The following MTMR12 variants were observed in gnomAD, a reference collection of about 807,000 sequenced individuals.
MTMR12 encodes the protein myotubularin-related protein 12.
Under a neutral mutation model 96.7 loss-of-function variants are expected in MTMR12, and 33 were observed. That is an observed-to-expected ratio of 0.34 (90% confidence interval 0.26 to 0.46). The LOEUF is 0.46. Ranked by LOEUF, MTMR12 falls within the 20% of genes least tolerant of loss-of-function variation. The probability of loss-of-function intolerance (pLI) is 1.00; values close to 1 mark genes in which losing one functional copy is unlikely to be tolerated. For synonymous variants in MTMR12, 298 were observed against 327.2 expected (o/e 0.91, Z 0.96); for missense variants, 721 against 896.1 (o/e 0.80, Z 2.49).
chr5:32,248,536 T>C (rs1281144514), intron 9 of MTMR12, among the ~76,000 whole-genome samples: 1 of 152,212 alleles, frequency 6.6e-6, no homozygotes, highest in Non-Finnish European at 1.5e-5. Flanking sequence ...AGACATCATG[T>C]CACCTCCCCA....
intron 1 of MTMR12, among the ~76,000 whole-genome samples, chr5:32,287,744 A>G (rs2112122782): frequency 6.6e-6 from 1 of 152,324 alleles, no homozygotes; most frequent in East Asian, 1.9e-4. Context: ...GAGAACACTG[A>G]TAGTCCTTGG....
At chr5:32,303,390 C>T (rs191181289) in intron 1 of MTMR12, among the ~76,000 whole-genome samples, 103 of 152,268 alleles carry the variant, frequency 6.8e-4, no homozygotes, top group Admixed American at 1.2e-3. Flanking sequence ...TGAGGCCTTT[C>T]CATCTCTCCC....
At chr5:32,254,747 G>A (rs968692054) in intron 8 of MTMR12, among the ~76,000 whole-genome samples, 3 of 152,140 alleles carry the variant, frequency 2.0e-5, no homozygotes, top group African/African-American at 7.2e-5. Flanking sequence ...GGGAGGCTGA[G>A]GCAGGAGAAT....
At position 32,248,805 on chromosome 5, in the gene MTMR12, C is replaced by T; in HGVS notation, c.863G>A (p.Gly288Asp). The T allele has an allele frequency of 6.2e-7, 1 of 1,614,102 alleles. No homozygotes were observed. ...GAAGCTCTTTTGGATTTGTAAAATG[C>T]CGTCATCCTGTTCTTTGGGCAGTGC... The part of the protein sequence containing the change: ...MSALPKEQDD[G>D]ILQIQKSFLD... The change falls in exon 9 of 16, where the codon GGC (glycine) becomes GAC (aspartate). Residue 288 changes from glycine to aspartate, a missense_variant. By Grantham distance (94) the Gly-to-Asp change is moderately conservative. Transcript: ENST00000382142.
intron 1 of MTMR12, among the ~76,000 whole-genome samples, chr5:32,296,187 T>C (rs1266864490): frequency 6.6e-6 from 1 of 151,324 alleles, no homozygotes; most frequent in East Asian, 1.9e-4. Context: ...TTTATTAAGA[T>C]ATAATTGAGG....
chr5:32,251,581 G>A (rs745335298), intron 8 of MTMR12, among the ~76,000 whole-genome samples: 9 of 152,208 alleles, frequency 5.9e-5, no homozygotes, highest in Non-Finnish European at 1.3e-4. Flanking sequence ...AGAAGAAATG[G>A]TAGAGAAAAC....
intron 1 of MTMR12, among the ~76,000 whole-genome samples, chr5:32,295,973 G>A (rs904685148): frequency 1.3e-4 from 20 of 151,990 alleles, no homozygotes; most frequent in African/African-American, 4.8e-4. Context: ...GGCCAATATG[G>A]TGAAACCCCA....
intron 1 of MTMR12, among the ~76,000 whole-genome samples, chr5:32,282,211 T>G (rs1374594391): frequency 6.6e-6 from 1 of 151,686 alleles, no homozygotes; most frequent in Non-Finnish European, 1.5e-5. Context: ...TGAAACCCCG[T>G]CTCTACTAAA....
Position 32,229,986 on chromosome 5 carries a change from T to C in MTMR12, c.2036A>G (p.Asp679Gly). 1 of 1,612,396 alleles carries C rather than the reference T, an allele frequency of 6.2e-7. No homozygotes were observed. The highest frequency in any genetic ancestry group is 8.5e-7 in the Non-Finnish European group (1 of 1,178,626). Residue 679 changes from aspartate to glycine, a missense_variant, in exon 16 of 16, where the codon GAC becomes GGC. Asp to Gly is a moderately conservative substitution (Grantham distance 94). Coordinates refer to ENST00000382142, the MANE Select transcript of MTMR12 (RefSeq NM_001040446.3). ...EEVQSLQEKI[D>G]ERHHSQQAPQ... ...GGCCTGCTGGCTGTGGTGTCTCTCG[T>C]CGATCTTCTCTTGTAAACTCTGGAC...
chr5:32,284,032 T>C (rs1485961939), intron 1 of MTMR12, among the ~76,000 whole-genome samples: 1 of 152,118 alleles, frequency 6.6e-6, no homozygotes, highest in African/African-American at 2.4e-5. Context: ...CCAGGCGCGG[T>C]GGCTTATGCC....
At chr5:32,308,007 C>T (rs1167111665) in intron 1 of MTMR12, among the ~76,000 whole-genome samples, 1 of 152,214 alleles carries the variant, frequency 6.6e-6, no homozygotes, top group Non-Finnish European at 1.5e-5. Context: ...GATTTCCCAG[C>T]TACCAAAACC....
At chr5:32,300,563 T>A (rs1397760313) in intron 1 of MTMR12, among the ~76,000 whole-genome samples, 2 of 152,102 alleles carry the variant, frequency 1.3e-5, no homozygotes, top group Non-Finnish European at 2.9e-5. Flanking sequence ...GCCTCTCTCA[T>A]GCACCCCAGA....
chr5:32,300,355 G>A (rs1751091790), intron 1 of MTMR12, among the ~76,000 whole-genome samples: 1 of 152,126 alleles, frequency 6.6e-6, no homozygotes, highest in African/African-American at 2.4e-5. Flanking sequence ...GGAAGTCTCG[G>A]ATAGGTGAAG....
At chr5:32,257,299 G>A (rs1749178406) in intron 7 of MTMR12, among the ~76,000 whole-genome samples, 3 of 151,998 alleles carry the variant, frequency 2.0e-5, no homozygotes, top group African/African-American at 7.3e-5. Flanking sequence ...AAGCCTGGGT[G>A]ACCCTGTCTT....
chr5:32,283,001 C>G (rs576879823), intron 1 of MTMR12, among the ~76,000 whole-genome samples: 1 of 152,270 alleles, frequency 6.6e-6, no homozygotes. Flanking sequence ...AGGTGGATAC[C>G]AACAAGGTAC....
rs377740553 is a variant in MTMR12 at position 32,251,740 on chromosome 5, G to C, written c.790-2862C>G. On this transcript the variant is annotated intron_variant, in intron 8 of 15. Coordinates refer to ENST00000382142, the MANE Select transcript of MTMR12 (RefSeq NM_001040446.3). ...AGACTTGGGAAAGGCAACCATAGAAGAGGGAAGGCCCATGGAACGGGACTC... is the reference window on the plus strand; with the variant it reads ...AGACTTGGGAAAGGCAACCATAGAACAGGGAAGGCCCATGGAACGGGACTC... Among the ~76,000 whole-genome samples the C allele has an allele frequency of 2.0e-5, 3 of 152,296 alleles. No homozygotes were observed. The East Asian group carries it at 5.8e-4, about 29-fold the overall frequency.
intron 1 of MTMR12, chr5:32,309,673 A>G (rs1162378334): frequency 1.3e-5 from 2 of 152,254 alleles, no homozygotes; most frequent in Non-Finnish European, 2.9e-5. Context: ...TGCTCGCTTC[A>G]GCATCACATA....
chr5:32,277,730 C>T (rs1016598641), intron 1 of MTMR12, among the ~76,000 whole-genome samples: 3 of 151,796 alleles, frequency 2.0e-5, no homozygotes, highest in Admixed American at 6.5e-5. Flanking sequence ...AGAAAAGAGA[C>T]AACACGCCAC....
Position 32,235,036 on chromosome 5 carries a change from A to G in MTMR12, c.1438T>C (p.Leu480=). 1.9e-6 allele frequency: 3 copies of G among 1,613,776 alleles called. No homozygotes were observed. The highest frequency in any genetic ancestry group is 4.5e-5 in the East Asian group (2 of 44,886). Residue 480 remains leucine, a synonymous_variant, in exon 14 of 16, where the codon TTG becomes CTG. Coordinates refer to ENST00000382142, the MANE Select transcript of MTMR12 (RefSeq NM_001040446.3). Reference sequence around the variant, plus strand: ...ATAGGTATATACAGGCTATCTGACAAAACAGTCAGGTAAGTCTCTGTGAAT... The same window carrying G: ...ATAGGTATATACAGGCTATCTGACAGAACAGTCAGGTAAGTCTCTGTGAAT... ...FEFTETYLTV[L]SDSLYIPIFS...
Sources: allele counts gnomAD v4.1 joint callset (sites outside exome capture counted in the v4.1 genomes callset), GRCh38; gene constraint gnomAD v4.1.1; transcripts MANE v1.5; gene names NCBI Gene and HGNC (gene_info 2026-07-23, HGNC 2026-07-21).